The following NTRK3 variants were observed in gnomAD, a reference collection of about 807,000 sequenced individuals.
NTRK3 encodes the protein neurotrophic receptor tyrosine kinase 3.
A neutral mutation model predicts 91.7 loss-of-function variants in NTRK3; 24 were observed. The ratio of observed to expected loss-of-function variants is 0.26; its 90% CI spans 0.19 to 0.37. The LOEUF is 0.37. NTRK3 is among the 10% of genes least tolerant of loss of function. NTRK3 has a pLI of 1.00. For missense variants in NTRK3, 880 were observed against 1,068.9 expected (o/e 0.82, Z 2.46); for synonymous variants, 483 against 404.0 (o/e 1.20, Z -2.34).
chr15:87,953,492 G>C (rs1479375055), intron 14 of NTRK3, among the ~76,000 whole-genome samples: 1 of 152,224 alleles, frequency 6.6e-6, no homozygotes, highest in African/African-American at 2.4e-5. Context: ...GAAGATCCCA[G>C]ACATTGGAGG....
At position 88,136,004 on chromosome 15, in the gene NTRK3, A is replaced by G. The variant is rs55748132; in HGVS notation, c.802T>C (p.Leu268=). The G allele has an allele frequency of 1.7e-3, 2,695 of 1,614,264 alleles. 2 individuals carry two copies. The highest frequency in any genetic ancestry group is 1.8e-3 in the Non-Finnish European group (2,121 of 1,180,046). Residue 268 remains leucine (L), a synonymous_variant, in exon 9 of 19, where the codon TTG becomes CTG. Coordinates refer to ENST00000394480, the Ensembl canonical transcript of NTRK3. ...TCACTCGTCACATTCACCAGCGTCA[A>G]GTTGATGGCATGAACATTGGTCCAG... is the stretch of plus-strand genomic sequence containing the variant.
chr15:88,215,832 T>C (rs1328296792), intron 3 of NTRK3, among the ~76,000 whole-genome samples: 2 of 152,156 alleles, frequency 1.3e-5, no homozygotes, highest in African/African-American at 4.8e-5. Flanking sequence ...GAATATGAAA[T>C]TGAAAAATGC....
exon 14 of NTRK3, chr15:88,032,902 G>T (rs761912721): frequency 1.2e-6 from 2 of 1,613,638 alleles, no homozygotes; most frequent in South Asian, 1.1e-5. Context: ...AAGTACTGGG[G>T]GTTCTCAATG....
At chr15:87,956,772 A>C (rs962065690) in intron 14 of NTRK3, among the ~76,000 whole-genome samples, 4 of 151,112 alleles carry the variant, frequency 2.6e-5, no homozygotes, top group African/African-American at 9.8e-5. Flanking sequence ...GGGTTTCGCC[A>C]TGTTGGCCAG....
At chr15:87,934,016 C>A (rs1444273908) in intron 15 of NTRK3, among the ~76,000 whole-genome samples, 1 of 152,048 alleles carries the variant, frequency 6.6e-6, no homozygotes, top group African/African-American at 2.4e-5. Context: ...ATGAATATAC[C>A]CAGGTAGAGT....
chr15:87,883,902 G>A (rs2065387530), intron 17 of NTRK3, among the ~76,000 whole-genome samples: 1 of 143,746 alleles, frequency 7.0e-6, no homozygotes, highest in African/African-American at 2.6e-5. Flanking sequence ...TATAACTGAA[G>A]TAATTTTTGA....
At chr15:87,935,805 C>T (rs2069226679) in intron 15 of NTRK3, among the ~76,000 whole-genome samples, 1 of 152,188 alleles carries the variant, frequency 6.6e-6, no homozygotes, top group South Asian at 2.1e-4. Flanking sequence ...CCCAGGCTGG[C>T]ACCCTGCACT....
chr15:87,905,648 A>C (rs921375221), intron 17 of NTRK3, among the ~76,000 whole-genome samples: 1 of 152,184 alleles, frequency 6.6e-6, no homozygotes, highest in Non-Finnish European at 1.5e-5. Context: ...ATTTAGGATT[A>C]TCTTCAAACT....
At chr15:87,940,803 GAC>G in intron 14 of NTRK3, 50 bp from the exon 15 acceptor site, 2 of 1,613,220 alleles carry the variant, frequency 1.2e-6, no homozygotes, top group Non-Finnish European at 1.7e-6. Flanking sequence ...CTCGTTTGGT[GAC>G]ACAGGGAGAC....
At chr15:88,188,322 G>A (rs762985083) in intron 3 of NTRK3, among the ~76,000 whole-genome samples, 16 of 152,182 alleles carry the variant, frequency 1.1e-4, no homozygotes, top group Non-Finnish European at 2.2e-4. Context: ...TTCTCAAAGG[G>A]AGGCGATTTT....
exon 19 of NTRK3, chr15:87,862,134 A>G (rs1196163363): frequency 4.6e-6 from 1 of 218,740 alleles, no homozygotes; most frequent in Non-Finnish European, 9.2e-6. Flanking sequence ...TCCAGTCTTC[A>G]TACAAATAAT....
intron 17 of NTRK3, among the ~76,000 whole-genome samples, chr15:87,925,962 T>C (rs1004568473): frequency 6.6e-5 from 10 of 152,232 alleles, no homozygotes; most frequent in Admixed American, 1.3e-4. Flanking sequence ...GTAAGTATTG[T>C]ACTACAAGCT....
intron 14 of NTRK3, among the ~76,000 whole-genome samples, chr15:87,983,924 C>T (rs1342611382): frequency 6.6e-6 from 1 of 152,096 alleles, no homozygotes; most frequent in African/African-American, 2.4e-5. Flanking sequence ...CCTCCCCTGG[C>T]CAACCCTGGT....
chr15:88,054,507 T>C (rs1481516273), intron 13 of NTRK3, among the ~76,000 whole-genome samples: 1 of 152,194 alleles, frequency 6.6e-6, no homozygotes, highest in Admixed American at 6.5e-5. Context: ...CTAGAGTTCA[T>C]GTCTTGCAAA....
intron 11 of NTRK3, 67 bp from the exon 12 acceptor site, chr15:88,127,293 C>T (rs749375413): frequency 1.3e-5 from 17 of 1,338,082 alleles, no homozygotes; most frequent in Non-Finnish European, 1.7e-5. Flanking sequence ...AGCCACAGTC[C>T]CTGCCCAACT....
intron 13 of NTRK3, among the ~76,000 whole-genome samples, chr15:88,087,589 T>C (rs1008598107): frequency 5.9e-5 from 9 of 152,086 alleles, no homozygotes; most frequent in Non-Finnish European, 1.3e-4. Flanking sequence ...TTGGGATCAA[T>C]GGGATGGGTG....
exon 19 of NTRK3, chr15:87,862,491 C>T (rs2064554535): frequency 4.4e-6 from 1 of 227,998 alleles, no homozygotes; most frequent in African/African-American, 2.2e-5. Context: ...TTTCTAACAT[C>T]TGTCAGATAG....
chr15:87,953,660 G>A (rs1479909133), intron 14 of NTRK3, among the ~76,000 whole-genome samples: 1 of 152,098 alleles, frequency 6.6e-6, no homozygotes, highest in East Asian at 1.9e-4. Context: ...AGGTCTCTGG[G>A]GCATCAGCCT....
chr15:88,081,036 GC>G (rs1306729197), intron 13 of NTRK3, among the ~76,000 whole-genome samples: 1 of 152,232 alleles, frequency 6.6e-6, no homozygotes, highest in African/African-American at 2.4e-5. Flanking sequence ...GGATGAATTA[GC>G]TGGAAGGGGA....
Sources: gnomAD v4.1 joint callset for allele counts (sites outside exome capture counted in the v4.1 genomes callset) on GRCh38, gnomAD v4.1.1 for gene constraint, MANE v1.5 for transcripts, NCBI Gene and HGNC (gene_info 2026-07-23, HGNC 2026-07-21) for gene names.